CSMD3: variants seen among roughly 807,000 people sequenced by gnomAD.
CSMD3 encodes the protein CUB and sushi domain-containing protein 3.
In CSMD3, 177 loss-of-function variants were observed where a neutral mutation model predicts 435.2. That is an observed-to-expected ratio of 0.41 (90% CI 0.36 to 0.46). The LOEUF (loss-of-function observed/expected upper bound fraction) is 0.46, where lower values mean the gene tolerates loss of function less well. Among genes scored for constraint, CSMD3 ranks in the 20% least tolerant of loss-of-function variants. The pLI is 0.34. For synonymous variants in CSMD3, 1,656 were observed against 1,520.5 expected (o/e 1.09, Z -2.07); for missense variants, 4,265 against 4,504.6 (o/e 0.95, Z 1.52).
chr8:112,675,059 G>C (rs1416785776), intron 16 of CSMD3, among the ~76,000 whole-genome samples: 1 of 152,094 alleles, frequency 6.6e-6, no homozygotes, highest in Non-Finnish European at 1.5e-5. Context: ...TTAAGCTCTG[G>C]AGGGGTGTCT....
chr8:113,306,281 A>G (rs1453961774), intron 2 of CSMD3, among the ~76,000 whole-genome samples: 1 of 152,160 alleles, frequency 6.6e-6, no homozygotes, highest in Non-Finnish European at 1.5e-5. Flanking sequence ...TATAAGAGAG[A>G]GAATCAGTAC....
At chr8:113,029,577 C>G (rs966040441) in intron 5 of CSMD3, among the ~76,000 whole-genome samples, 3 of 151,500 alleles carry the variant, frequency 2.0e-5, no homozygotes, top group Non-Finnish European at 4.4e-5. Flanking sequence ...ATCCAGCATC[C>G]ATTTATGATT....
intron 49 of CSMD3, among the ~76,000 whole-genome samples, 163 bp from the exon 50 acceptor site, chr8:112,311,329 A>G (rs1371994238): frequency 6.6e-6 from 1 of 152,202 alleles, no homozygotes; most frequent in Admixed American, 6.5e-5. Flanking sequence ...CCTCTTTTGA[A>G]AATGATCTAC....
intron 69 of CSMD3, among the ~76,000 whole-genome samples, chr8:112,229,450 A>G (rs1812883314): frequency 6.6e-6 from 1 of 151,476 alleles, no homozygotes; most frequent in Admixed American, 6.6e-5. Context: ...TTTTCTTGAG[A>G]CAGGGTCTCA....
At chr8:113,185,725 G>GTGTGTGCATGCA (rs199517426) in intron 3 of CSMD3, among the ~76,000 whole-genome samples, 1 of 152,044 alleles carries the variant, frequency 6.6e-6, no homozygotes, top group African/African-American at 2.4e-5. Context: ...TTTGGTGTGT[G>GTGTGTGCATGCA]TGTGTGCATG....
intron 31 of CSMD3, among the ~76,000 whole-genome samples, chr8:112,482,396 A>G (rs2130803317): frequency 1.3e-5 from 2 of 152,354 alleles, no homozygotes; most frequent in South Asian, 4.1e-4. Flanking sequence ...ATTTACATAC[A>G]TAAAATTCAC....
At chr8:112,405,211 CCCCATATATATATATAT>C (rs1831695075) in intron 35 of CSMD3, among the ~76,000 whole-genome samples, 2 of 18,112 alleles carry the variant, frequency 1.1e-4, no homozygotes, top group African/African-American at 6.6e-4. Context: ...AAAAAAAAAC[CCCCATATATATATATAT>C]ATATATATAT....
intron 1 of CSMD3, among the ~76,000 whole-genome samples, chr8:113,400,536 C>T (rs929616237): frequency 3.3e-5 from 5 of 151,874 alleles, no homozygotes; most frequent in Admixed American, 1.3e-4. Context: ...GTGCTACAGA[C>T]GTTCTTCAAT....
chr8:113,039,184 T>TA (rs991496961), intron 5 of CSMD3, among the ~76,000 whole-genome samples: 34 of 151,486 alleles, frequency 2.2e-4, no homozygotes, highest in African/African-American at 5.3e-4. Flanking sequence ...GCTACCATAG[T>TA]AAAAAAAAAT....
At chr8:112,949,211 T>C (rs1017371170) in intron 8 of CSMD3, among the ~76,000 whole-genome samples, 3 of 152,230 alleles carry the variant, frequency 2.0e-5, no homozygotes, top group East Asian at 3.9e-4. Context: ...CCAACAGTTA[T>C]AGTTGTGGTA....
At chr8:112,381,572 G>A (rs552132694) in intron 37 of CSMD3, among the ~76,000 whole-genome samples, 141 of 152,208 alleles carry the variant, frequency 9.3e-4, no homozygotes, top group Admixed American at 3.9e-3. Context: ...TTTGCTTTGC[G>A]CAACTTTGTG....
rs868091776 is a variant in CSMD3, at chr8:112,795,722, C to G, written c.1972+4440G>C. 2.0e-5 allele frequency among the ~76,000 whole-genome samples: 3 copies of G among 152,084 alleles called. 1 individual carries two copies. The highest frequency in any genetic ancestry group is 2.1e-4 in the South Asian group (1 of 4,826). On this transcript the variant is annotated intron_variant, in intron 13 of 70. Coordinates refer to ENST00000297405, the MANE Select transcript of CSMD3 (RefSeq NM_198123.2). ...ACCCTCTAGACATGTCATGTGGCAA[C>G]AGTAAACACATGTTTGTTTAAGCCA...
At chr8:112,461,610 C>T (rs190546208) in intron 32 of CSMD3, among the ~76,000 whole-genome samples, 10 of 152,022 alleles carry the variant, frequency 6.6e-5, no homozygotes, top group African/African-American at 2.4e-4. Flanking sequence ...AATTTTCTAG[C>T]ATTTGTAATG....
intron 2 of CSMD3, among the ~76,000 whole-genome samples, chr8:113,295,003 T>A (rs908750921): frequency 2.6e-5 from 4 of 152,184 alleles, no homozygotes; most frequent in African/African-American, 4.8e-5. Context: ...TTTTATATCC[T>A]TATTTTCCAT....
intron 32 of CSMD3, among the ~76,000 whole-genome samples, chr8:112,454,547 T>A (rs1816630336): frequency 1.3e-5 from 2 of 152,168 alleles, no homozygotes; most frequent in Non-Finnish European, 2.9e-5. Context: ...ATATACCATC[T>A]CACATTAGTC....
chr8:112,755,380 G>A (rs1421389758), intron 13 of CSMD3, among the ~76,000 whole-genome samples: 1 of 140,402 alleles, frequency 7.1e-6, no homozygotes, highest in Non-Finnish European at 1.6e-5. Context: ...TAATGAGGGC[G>A]ATTACCTCCA....
intron 8 of CSMD3, among the ~76,000 whole-genome samples, chr8:112,950,765 T>G (rs906725269): frequency 7.9e-5 from 12 of 151,940 alleles, no homozygotes; most frequent in African/African-American, 1.7e-4. Context: ...GCAGTCTGAT[T>G]TGAGAAATTC....
At chr8:112,879,704 CT>C (rs1333565381) in intron 10 of CSMD3, among the ~76,000 whole-genome samples, 3 of 152,062 alleles carry the variant, frequency 2.0e-5, no homozygotes, top group Non-Finnish European at 4.4e-5. Context: ...CTCAGACCAG[CT>C]GACACTTAGG....
At chr8:112,557,856 CAAG>C (rs1828261979) in intron 24 of CSMD3, among the ~76,000 whole-genome samples, 1 of 151,908 alleles carries the variant, frequency 6.6e-6, no homozygotes, top group South Asian at 2.1e-4. Flanking sequence ...TTATCAAACT[CAAG>C]GAGGAAGTTA....
Sources: allele counts gnomAD v4.1 joint callset (sites outside exome capture counted in the v4.1 genomes callset), GRCh38; gene constraint gnomAD v4.1.1; transcripts MANE v1.5; gene names NCBI Gene and HGNC (gene_info 2026-07-23, HGNC 2026-07-21).